The following BCL9 variants were observed in gnomAD, a reference collection of about 807,000 sequenced individuals.
The protein encoded by BCL9 is B-cell CLL/lymphoma 9 protein.
In BCL9, 25 loss-of-function variants were observed where a neutral mutation model predicts 88.5. The ratio of observed to expected loss-of-function variants is 0.28; its 90% CI spans 0.21 to 0.39. The LOEUF is 0.39. Among genes scored for constraint, BCL9 ranks in the 10% least tolerant of loss-of-function variants. BCL9 has a pLI of 1.00. For missense variants in BCL9, 1,817 were observed against 1,877.8 expected (o/e 0.97, Z 0.60); for synonymous variants, 711 against 673.3 (o/e 1.06, Z -0.87).
chr1:147,577,269 C>G (rs1475831252), intron 1 of BCL9, among the ~76,000 whole-genome samples: 1 of 152,096 alleles, frequency 6.6e-6, no homozygotes, highest in Non-Finnish European at 1.5e-5. Flanking sequence ...ATGCTCGGCT[C>G]TGGAGAAAAC....
At position 147,590,178 on chromosome 1, in the gene BCL9, A is replaced by G. The variant is rs1656788279; in HGVS notation, c.-477-14599A>G. ...TGCCTCAGCCTCCCAAAGTGCTAAGATTACCAGAATGAGCCACCAGCACAT... is the reference window on the plus strand; with the variant it reads ...TGCCTCAGCCTCCCAAAGTGCTAAGGTTACCAGAATGAGCCACCAGCACAT... On this transcript the variant is annotated intron_variant, in intron 1 of 9. Transcript: ENST00000234739. Among the ~76,000 whole-genome samples the G allele has an allele frequency of 2.0e-5, 3 of 152,128 alleles. No homozygotes were observed. In the South Asian group the frequency reaches 6.2e-4, roughly 32 times the overall value.
intron 1 of BCL9, among the ~76,000 whole-genome samples, chr1:147,601,754 C>T (rs1351312448): frequency 2.6e-5 from 4 of 152,206 alleles, no homozygotes; most frequent in Admixed American, 6.5e-5. Context: ...TATTGAAAAA[C>T]ACCCAAACTA....
chr1:147,567,660 C>T (rs1265131038), intron 1 of BCL9, among the ~76,000 whole-genome samples: 1 of 152,166 alleles, frequency 6.6e-6, no homozygotes, highest in Non-Finnish European at 1.5e-5. Flanking sequence ...AGAATAATGC[C>T]TAACTCTGTT....
intron 1 of BCL9, among the ~76,000 whole-genome samples, chr1:147,554,531 C>T (rs141074108): frequency 6.6e-6 from 1 of 152,156 alleles, no homozygotes; most frequent in African/African-American, 2.4e-5. Context: ...CTATTAGTTG[C>T]AGCATCCTGT....
At chr1:147,614,903 A>C (rs1658197296) in intron 6 of BCL9, among the ~76,000 whole-genome samples, 1 of 143,600 alleles carries the variant, frequency 7.0e-6, no homozygotes, top group South Asian at 2.2e-4. Flanking sequence ...GCAGTGGCAG[A>C]TCTCGGCCCA....
intron 1 of BCL9, among the ~76,000 whole-genome samples, chr1:147,584,094 C>A (rs1293337953): frequency 6.7e-6 from 1 of 149,476 alleles, no homozygotes; most frequent in Admixed American, 6.7e-5. Context: ...GTTGCCCAGG[C>A]TGGAGTGCAA....
At chr1:147,618,355 A>G (rs1477947862) in intron 7 of BCL9, among the ~76,000 whole-genome samples, 4 of 152,332 alleles carry the variant, frequency 2.6e-5, no homozygotes, top group South Asian at 2.1e-4. Flanking sequence ...CTCTCTCAAG[A>G]TGGCAACATC....
chr1:147,559,144 A>G (rs1553195770), intron 1 of BCL9, among the ~76,000 whole-genome samples: 1 of 113,692 alleles, frequency 8.8e-6, no homozygotes, highest in Non-Finnish European at 1.7e-5. Flanking sequence ...TTTTTTTGGC[A>G]TTTGATGGTC....
intron 1 of BCL9, among the ~76,000 whole-genome samples, chr1:147,579,533 C>G (rs113461905): frequency 6.6e-6 from 1 of 152,318 alleles, no homozygotes; most frequent in African/African-American, 2.4e-5. Context: ...AAGGGGCTCT[C>G]AGACCCATGC....
At chr1:147,556,492 C>T (rs1394888939) in intron 1 of BCL9, among the ~76,000 whole-genome samples, 1 of 151,662 alleles carries the variant, frequency 6.6e-6, no homozygotes, top group Non-Finnish European at 1.5e-5. Context: ...CCCTCTGTCG[C>T]CCAGGCTGGA....
intron 1 of BCL9, among the ~76,000 whole-genome samples, chr1:147,601,099 G>T (rs1349152340): frequency 6.6e-6 from 1 of 152,172 alleles, no homozygotes; most frequent in African/African-American, 2.4e-5. Context: ...TTATGGGAAG[G>T]CTACCAAGCA....
At chr1:147,562,882 C>A (rs1368340508) in intron 1 of BCL9, among the ~76,000 whole-genome samples, 1 of 152,168 alleles carries the variant, frequency 6.6e-6, no homozygotes, top group Non-Finnish European at 1.5e-5. Context: ...AATCCAAACC[C>A]CTTACCATGG....
At chr1:147,585,213 G>T (rs1226813778) in intron 1 of BCL9, among the ~76,000 whole-genome samples, 1 of 152,234 alleles carries the variant, frequency 6.6e-6, no homozygotes, top group African/African-American at 2.4e-5. Context: ...TATAATTAGA[G>T]ATGTGTTCCT....
intron 1 of BCL9, among the ~76,000 whole-genome samples, chr1:147,578,366 C>G (rs1234973850): frequency 1.3e-5 from 2 of 152,156 alleles, no homozygotes; most frequent in African/African-American, 4.8e-5. Context: ...TTTCATGTGA[C>G]AGGTCACAGT....
At chr1:147,560,663 T>C (rs927390628) in intron 1 of BCL9, among the ~76,000 whole-genome samples, 3 of 151,650 alleles carry the variant, frequency 2.0e-5, no homozygotes, top group Non-Finnish European at 2.9e-5. Flanking sequence ...TCCCAGCATT[T>C]TGGGAGGCTA....
chr1:147,608,053 A>C (rs1382482047), intron 3 of BCL9, among the ~76,000 whole-genome samples: 1 of 152,170 alleles, frequency 6.6e-6, no homozygotes, highest in Admixed American at 6.5e-5. Context: ...GTGGGAGGAA[A>C]GCTAGGAAAA....
At chr1:147,597,927 A>C (rs1336325957) in intron 1 of BCL9, among the ~76,000 whole-genome samples, 1 of 152,224 alleles carries the variant, frequency 6.6e-6, no homozygotes, top group Non-Finnish European at 1.5e-5. Context: ...GCTTAGTAAA[A>C]TGGCTAAGAC....
chr1:147,557,630 T>C (rs1035972927), intron 1 of BCL9, among the ~76,000 whole-genome samples: 8 of 151,756 alleles, frequency 5.3e-5, no homozygotes. Flanking sequence ...TAAAATATAC[T>C]GAGCAAGCAG....
intron 1 of BCL9, among the ~76,000 whole-genome samples, chr1:147,567,450 C>T (rs1194010586): frequency 1.6e-4 from 24 of 152,048 alleles, no homozygotes; most frequent in Non-Finnish European, 3.4e-4. Context: ...CTATTTGAGT[C>T]GACATTTCCA....
Sources: allele counts gnomAD v4.1 joint callset (sites outside exome capture counted in the v4.1 genomes callset), GRCh38; gene constraint gnomAD v4.1.1; transcripts MANE v1.5; gene names NCBI Gene and HGNC (gene_info 2026-07-23, HGNC 2026-07-21).